The following SYNPO2 variants were observed in gnomAD, a reference collection of about 807,000 sequenced individuals.
SYNPO2 encodes synaptopodin 2.
In SYNPO2, 56 loss-of-function variants were observed where a neutral mutation model predicts 85.0. That is an observed-to-expected ratio of 0.66 (90% CI 0.53 to 0.82). The LOEUF is 0.82. Among genes scored for constraint, SYNPO2 ranks in the 40% least tolerant of loss-of-function variants. The pLI is 0.00. For missense variants in SYNPO2, 1,575 were observed against 1,534.2 expected (o/e 1.03, Z -0.44); for synonymous variants, 602 against 591.1 (o/e 1.02, Z -0.27).
At chr4:118,929,584 G>T (rs28718468) in intron 1 of SYNPO2, among the ~76,000 whole-genome samples, 1 of 151,846 alleles carries the variant, frequency 6.6e-6, no homozygotes, top group South Asian at 2.1e-4. Context: ...ATGGAATCCC[G>T]CCCCTCACTT....
intron 1 of SYNPO2, among the ~76,000 whole-genome samples, chr4:118,992,903 G>A (rs140667976): frequency 3.3e-5 from 5 of 152,238 alleles, no homozygotes; most frequent in African/African-American, 4.8e-5. Flanking sequence ...ACTCAGATGT[G>A]GGGCATCTTC....
chr4:119,000,671 A>T (rs1203888694), intron 1 of SYNPO2, among the ~76,000 whole-genome samples: 1 of 152,216 alleles, frequency 6.6e-6, no homozygotes, highest in African/African-American at 2.4e-5. Context: ...GAAGCCCATG[A>T]CCTCATCGCT....
At chr4:118,911,080 C>T (rs1003364177) in intron 1 of SYNPO2, among the ~76,000 whole-genome samples, 6 of 152,148 alleles carry the variant, frequency 3.9e-5, no homozygotes, top group African/African-American at 1.2e-4. Flanking sequence ...CTGATGATTT[C>T]TCACACATAA....
intron 1 of SYNPO2, among the ~76,000 whole-genome samples, chr4:118,904,532 G>A (rs935420362): frequency 1.3e-5 from 2 of 152,166 alleles, no homozygotes; most frequent in Non-Finnish European, 2.9e-5. Context: ...AAAATAAATT[G>A]TCCTTGGTAA....
At position 119,059,768 on chromosome 4, in the gene SYNPO2, A is replaced by C. The variant is rs1739350048; in HGVS notation, c.*1834A>C. 1 of 152,148 alleles carries C rather than the reference A, an allele frequency of 6.6e-6. No homozygotes were observed. The allele number at this position is 152,148 out of a possible 1,614,324, so 9.4% of individuals were successfully genotyped here. The stretch of plus-strand genomic sequence containing the variant: ...GTTAAAAAAAAAAAGTAAAGAAATC[A>C]CAGTAAGTTCTATTAGTGATGATAG... On this transcript the variant is annotated 3_prime_UTR_variant, in exon 5 of 5. Transcript: ENST00000307142.
rs566146945 is a variant in SYNPO2, at chr4:118,996,450, ATATAATTG to A, written c.106-26975_106-26968del. 3.3e-5 allele frequency among the ~76,000 whole-genome samples: 5 copies of A among 152,348 alleles called. No individual in the cohort carries two copies. In the South Asian group the frequency reaches 1.0e-3, roughly 32 times the overall value. On this transcript the variant is annotated intron_variant, in intron 1 of 4. Transcript: ENST00000307142. ...CCCTACTAGCCTGAGTATACGGAGA[ATATAATTG>A]TATATCATTTCCATATTGATAAAAA...
Position 119,040,443 on chromosome 4 carries a change from T to C in SYNPO2, c.3252+8416T>C, listed in dbSNP as rs1275487254. ...CATTCCTCTGTATTCAGCCTGTTTGTCCATTTTTTCCTGCTTTGTGTTCAT... is the reference window on the plus strand; with the variant it reads ...CATTCCTCTGTATTCAGCCTGTTTGCCCATTTTTTCCTGCTTTGTGTTCAT... On this transcript the variant is annotated intron_variant, in intron 4 of 4. Coordinates refer to ENST00000307142, the MANE Select transcript of SYNPO2 (RefSeq NM_133477.3). Among the ~76,000 whole-genome samples the C allele has an allele frequency of 2.6e-5, 4 of 152,360 alleles. No individual in the cohort carries two copies. In the South Asian group the frequency reaches 8.3e-4, roughly 32 times the overall value.
chr4:118,904,540 T>C (rs1052360317), intron 1 of SYNPO2, among the ~76,000 whole-genome samples: 4 of 152,196 alleles, frequency 2.6e-5, no homozygotes, highest in African/African-American at 7.2e-5. Context: ...TTGTCCTTGG[T>C]AAGTAAATAT....
At chr4:118,960,666 A>C (rs79154851) in intron 1 of SYNPO2, among the ~76,000 whole-genome samples, 15,279 of 152,124 alleles carry the variant, frequency 0.1, 969 homozygotes, top group East Asian at 0.15. Flanking sequence ...TCTCAAACTT[A>C]ATATGGCTAG....
chr4:118,994,383 T>C (rs1472422139), intron 1 of SYNPO2, among the ~76,000 whole-genome samples: 1 of 152,114 alleles, frequency 6.6e-6, no homozygotes, highest in Non-Finnish European at 1.5e-5. Flanking sequence ...GAAACTGAGA[T>C]GAGAAAAATC....
chr4:119,012,375 C>CTTTTTTT (rs10651853), intron 1 of SYNPO2, among the ~76,000 whole-genome samples: 289 of 109,652 alleles, frequency 2.6e-3, no homozygotes, highest in African/African-American at 6.7e-3. Context: ...TCCCCCTTTT[C>CTTTTTTT]TTTTTTTTTT....
At chr4:118,964,777 T>C (rs552022662) in intron 1 of SYNPO2, among the ~76,000 whole-genome samples, 10 of 152,274 alleles carry the variant, frequency 6.6e-5, no homozygotes, top group South Asian at 6.2e-4. Context: ...TGTTAGACAT[T>C]GTGCTGGAGA....
chr4:118,867,522 A>G (rs540548652), intron 1 of SYNPO2, among the ~76,000 whole-genome samples: 2 of 150,178 alleles, frequency 1.3e-5, no homozygotes, highest in Non-Finnish European at 3.0e-5. Flanking sequence ...ACCCTGTTGC[A>G]AAAGTGTAAT....
chr4:119,032,328 G>A, intron 4 of SYNPO2: 2 of 1,292,070 alleles, frequency 1.5e-6, no homozygotes, highest in Non-Finnish European at 2.0e-6. Context: ...AGGAGACTTA[G>A]GATTTGTGCT....
chr4:118,859,680 T>C (rs1202639520), intron 1 of SYNPO2, among the ~76,000 whole-genome samples: 1 of 152,248 alleles, frequency 6.6e-6, no homozygotes, highest in Non-Finnish European at 1.5e-5. Context: ...GCAATGTTTA[T>C]CTTTCTGTGC....
chr4:119,042,384 A>AT (rs1265533417), intron 4 of SYNPO2: 3 of 152,020 alleles, frequency 2.0e-5, no homozygotes, highest in Non-Finnish European at 2.9e-5. Flanking sequence ...TTCCTTGGCT[A>AT]TTTTTTCTTA....
chr4:118,871,551 A>G (rs1731799432), intron 1 of SYNPO2, among the ~76,000 whole-genome samples: 1 of 150,104 alleles, frequency 6.7e-6, no homozygotes, highest in Non-Finnish European at 1.5e-5. Context: ...TGCCTAGGAC[A>G]ATGCCTGAAA....
At chr4:119,053,412 G>A (rs1221275488) in intron 4 of SYNPO2, among the ~76,000 whole-genome samples, 1 of 152,210 alleles carries the variant, frequency 6.6e-6, no homozygotes, top group East Asian at 1.9e-4. Flanking sequence ...GCACTTGAAA[G>A]AATGTGAAGG....
chr4:118,957,532 A>G (rs928408144), intron 1 of SYNPO2, among the ~76,000 whole-genome samples: 6 of 152,216 alleles, frequency 3.9e-5, no homozygotes, highest in African/African-American at 1.4e-4. Context: ...CATAATAACC[A>G]TAAATAAAAG....
Sources: allele counts gnomAD v4.1 joint callset (sites outside exome capture counted in the v4.1 genomes callset), GRCh38; gene constraint gnomAD v4.1.1; transcripts MANE v1.5; gene names NCBI Gene and HGNC (gene_info 2026-07-23, HGNC 2026-07-21).